Variants in CCDC51 observed in about 807,000 individuals in gnomAD.
The protein encoded by CCDC51 is mitochondrial potassium channel.
CCDC51 carries 25 observed loss-of-function variants against 24.8 expected under a neutral mutation model. The observed-to-expected ratio is 1.01, with a 90% confidence interval of 0.73 to 1.41. The LOEUF (loss-of-function observed/expected upper bound fraction) is 1.41. CCDC51 is among the 40% of genes most tolerant of loss of function. The pLI is 0.00. For synonymous variants in CCDC51, 190 were observed against 204.3 expected, an observed-to-expected ratio of 0.93 and a Z score of 0.60; for missense variants, 466 against 519.1, an observed-to-expected ratio of 0.90 and a Z score of 0.99.
In CCDC51 at chr3:48,437,197, CTGCTT is replaced by C. The variant is rs1417307231; in HGVS notation, c.-8-2066_-8-2062del. 6.6e-6 allele frequency among the ~76,000 whole-genome samples: 1 copy of C among 152,228 alleles called. No homozygotes were observed. The highest frequency in any genetic ancestry group is 2.4e-5 in the African/African-American group (1 of 41,452). On this transcript the variant is annotated intron_variant, in intron 1 of 3. Transcript: ENST00000395694. This position sits in a 1 kb window ranked among gnomAD's most constrained non-coding sequence, Gnocchi z 4.2. ...ACCACTCCCTCCCCAGCTACCTTCTCTGCTTTATTTTTCTCCTGATGGATATATTT... is the reference window on the plus strand; with the variant it reads ...ACCACTCCCTCCCCAGCTACCTTCTCTATTTTTCTCCTGATGGATATATTT...
chr3:48,432,311 G>T lies in CCDC51; in HGVS notation c.*97C>A, dbSNP rs563668789. 30 of 1,438,830 alleles carry T rather than the reference G, an allele frequency of 2.1e-5. No homozygotes were observed. The highest frequency in any genetic ancestry group is 2.4e-4 in the Middle Eastern group (1 of 4,252). 89.1% of individuals were successfully genotyped at this position (1,438,830 alleles called of 1,614,324 possible). A position where few individuals can be genotyped will look rare whatever the true frequency, so the allele number is the denominator to read the frequency against. On this transcript the variant is annotated 3_prime_UTR_variant, in exon 4 of 4. Transcript: ENST00000395694. ...GATACTGCTCCTTCAGATTGAGGTT[G>T]TACATGCCCCCAAAGGCTCGCTTCA... is the stretch of plus-strand genomic sequence containing the variant.
upstream of CCDC51, chr3:48,440,329 C>T (rs778825586): frequency 4.3e-6 from 7 of 1,611,662 alleles, no homozygotes; most frequent in African/African-American, 2.7e-5. Context: ...GTTCCGGAAC[C>T]GTGAGGACTG....
rs2039250027 is a variant in CCDC51, at chr3:48,433,415, CA to C, written c.478-250del. ...TTGACCAGAGGTGCACTTATGTCTACACAAAGGGAAGTGTCCAGCACTCCCT... is the reference window on the plus strand; with the variant it reads ...TTGACCAGAGGTGCACTTATGTCTACCAAAGGGAAGTGTCCAGCACTCCCT... On this transcript the variant is annotated intron_variant, in intron 3 of 3. Transcript: ENST00000395694. The surrounding 1 kb of genome is among the most constrained non-coding windows in gnomAD (Gnocchi z 4.4). 6.6e-6 allele frequency among the ~76,000 whole-genome samples: 1 copy of C among 152,230 alleles called. No homozygotes were observed. The highest frequency in any genetic ancestry group is 6.5e-5 in the Admixed American group (1 of 15,288).
chr3:48,433,892 G>A lies in CCDC51; in HGVS notation c.313-21C>T, dbSNP rs2039270057. Reference sequence around the variant, plus strand: ...TCAGCCTGCAAAGAGAAAACCGGAGGCCATCTGCACCTTCTCTCCACACCC... The same window carrying A: ...TCAGCCTGCAAAGAGAAAACCGGAGACCATCTGCACCTTCTCTCCACACCC... On this transcript the variant is annotated intron_variant, in intron 2 of 3. Coordinates refer to ENST00000395694, the MANE Select transcript of CCDC51 (RefSeq NM_001256964.2). This position sits in a 1 kb window ranked among gnomAD's most constrained non-coding sequence, Gnocchi z 4.4. 4 of 1,608,078 alleles carry A rather than the reference G, an allele frequency of 2.5e-6. No individual in the cohort carries two copies. Among genetic ancestry groups the A allele is most frequent in the Non-Finnish European group, 3.4e-6 (4 of 1,176,766 alleles).
chr3:48,438,973 G>A (rs899045606), intron 1 of CCDC51, among the ~76,000 whole-genome samples: 1 of 152,048 alleles, frequency 6.6e-6, no homozygotes, highest in Non-Finnish European at 1.5e-5. Context: ...TTGCTGGAAC[G>A]CACCAAGTTG....
intron 2 of CCDC51, among the ~76,000 whole-genome samples, 180 bp downstream of exon 2, chr3:48,434,637 G>A (rs1049159928): frequency 1.3e-5 from 2 of 152,174 alleles, no homozygotes; most frequent in Non-Finnish European, 2.9e-5. Context: ...AACTGTTTTC[G>A]GGGAAAGTAG....
rs766834703 is a variant in CCDC51 at position 48,432,982 on chromosome 3, T to G, written c.662A>C (p.Tyr221Ser). 18 of 1,614,048 alleles carry G rather than the reference T, an allele frequency of 1.1e-5. No homozygotes were observed. The Admixed American group carries it at 2.2e-4, about 19-fold the overall frequency. Reference sequence around the variant, plus strand: ...CTCCTGTAGTCGCACACGGTTCACATAGGTGGAGCCAGCCACACCAATCAG... The same window carrying G: ...CTCCTGTAGTCGCACACGGTTCACAGAGGTGGAGCCAGCCACACCAATCAG... Reference protein sequence around the residue: ...GALIGVAGSTYVNRVRLQELK... With the variant: ...GALIGVAGSTSVNRVRLQELK... Residue 221 changes from tyrosine to serine, a missense_variant, in exon 4 of 4, where the codon TAT becomes TCT. Tyr to Ser is a moderately radical substitution (Grantham distance 144, BLOSUM62 -2). Transcript: ENST00000395694.
the CCDC51 span, among the ~76,000 whole-genome samples, chr3:48,445,486 C>T: frequency 6.6e-6 from 1 of 152,184 alleles, no homozygotes; most frequent in Non-Finnish European, 1.5e-5. Flanking sequence ...GGCACCCAGC[C>T]GTATGCTGCT....
chr3:48,440,126 C>A (rs373033610), upstream of CCDC51: 34 of 1,086,524 alleles, frequency 3.1e-5, no homozygotes, highest in East Asian at 3.1e-4. Flanking sequence ...GTCTGCCACT[C>A]AGTTGACCTC....
Position 48,432,350 on chromosome 3 carries a change from C to G in CCDC51, c.*58G>C. 6.3e-7 allele frequency: 1 copy of G among 1,590,310 alleles called. No individual in the cohort carries two copies. Among genetic ancestry groups the G allele is most frequent in the South Asian group, 1.1e-5 (1 of 88,334 alleles). The stretch of plus-strand genomic sequence containing the variant: ...AGGCTCGCTTCATTGCTACGATTCT[C>G]TACTTAAATCCACATTCACAGCTAT... On this transcript the variant is annotated 3_prime_UTR_variant, in exon 4 of 4. Coordinates refer to ENST00000395694, the MANE Select transcript of CCDC51 (RefSeq NM_001256964.2).
chr3:48,434,455 ACATTT>A (rs1202261153), intron 2 of CCDC51, among the ~76,000 whole-genome samples: 1 of 152,210 alleles, frequency 6.6e-6, no homozygotes, highest in African/African-American at 2.4e-5. Flanking sequence ...TCACACTGTG[ACATTT>A]CCTAGTGCCC....
chr3:48,434,113 A>C, intron 2 of CCDC51: 1 of 782,560 alleles, frequency 1.3e-6, no homozygotes, highest in South Asian at 2.4e-5. Context: ...CCCTGAAAAA[A>C]CTTGAAAACA....
At position 48,433,844 on chromosome 3, in the gene CCDC51, C is replaced by G. The variant is rs1232184440; in HGVS notation, c.340G>C (p.Gly114Arg). 13 of 1,613,920 alleles carry G rather than the reference C, an allele frequency of 8.1e-6. No homozygotes were observed. The highest frequency in any genetic ancestry group is 5.0e-5 in the Admixed American group (3 of 59,968). Residue 114 changes from glycine to arginine, a missense_variant, in exon 3 of 4, where the codon GGG becomes CGG. Gly to Arg is a moderately radical substitution (Grantham distance 125). Coordinates refer to ENST00000395694, the MANE Select transcript of CCDC51 (RefSeq NM_001256964.2). This position sits in a 1 kb window ranked among gnomAD's most constrained non-coding sequence, Gnocchi z 4.4. ...EAEKVFMVAR[G>R]LVREAREDLE... ...TCCTCCCGAGCCTCTCGGACAAGCC[C>G]TCGAGCCACCATGAACACTTTCTCA...
In CCDC51 at chr3:48,433,129, T is replaced by C; in HGVS notation, c.515A>G (p.Glu172Gly). 6.2e-7 allele frequency: 1 copy of C among 1,613,700 alleles called. No homozygotes were observed. Among genetic ancestry groups the C allele is most frequent in the Non-Finnish European group, 8.5e-7 (1 of 1,179,946 alleles). ...GGAGAACTTCTCTCGCTCAGAGTCTTCTGCACGCAGATAGGCTGTGCGAAG... is the reference window on the plus strand; with the variant it reads ...GGAGAACTTCTCTCGCTCAGAGTCTCCTGCACGCAGATAGGCTGTGCGAAG... ...KRLRTAYLRA[E>G]DSEREKFSLF... The change falls in exon 4 of 4, where the codon GAA becomes GGA. Residue 172 changes from glutamate (E) to glycine (G), a missense_variant. Coordinates refer to ENST00000395694, the MANE Select transcript of CCDC51 (RefSeq NM_001256964.2). This position sits in a 1 kb window ranked among gnomAD's most constrained non-coding sequence, Gnocchi z 4.4.
intron 1 of CCDC51, among the ~76,000 whole-genome samples, chr3:48,436,483 C>A (rs1181594638): frequency 6.6e-6 from 1 of 152,192 alleles, no homozygotes; most frequent in Non-Finnish European, 1.5e-5. Flanking sequence ...GACAGTGATC[C>A]CAAGCTGGTG....
chr3:48,432,725 G>C lies in CCDC51; in HGVS notation c.919C>G (p.Leu307Val). 1.9e-6 allele frequency: 3 copies of C among 1,614,208 alleles called. No individual in the cohort carries two copies. The South Asian group carries it at 3.3e-5, about 18-fold the overall frequency. Residue 307 changes from leucine to valine, a missense_variant, in exon 4 of 4, where the codon CTT (leucine) becomes GTT (valine). Leu to Val is a conservative substitution (Grantham distance 32). Transcript: ENST00000395694. ...GAATGGACTTGCCTGGAATGACTAAGCTGCTCTTTCAAGGCAGCTGAAAGG... is the reference window on the plus strand; with the variant it reads ...GAATGGACTTGCCTGGAATGACTAACCTGCTCTTTCAAGGCAGCTGAAAGG... ...DVLSAALKEQ[L>V]SHSRQVHSCL...
chr3:48,444,497 T>C (rs558322983), upstream of CCDC51, among the ~76,000 whole-genome samples: 2 of 152,188 alleles, frequency 1.3e-5, no homozygotes, highest in Non-Finnish European at 2.9e-5. Flanking sequence ...GGTCTCAAAC[T>C]CCTGACCTCA....
At position 48,433,349 on chromosome 3, in the gene CCDC51, A is replaced by G. The variant is rs1211402875; in HGVS notation, c.478-183T>C. ...AAGGGCAAAGGAATTGGGAGTGATC[A>G]AAGTGAGTTGCATGATCGTCCCACC... On this transcript the variant is annotated intron_variant, in intron 3 of 3. Coordinates refer to ENST00000395694, the MANE Select transcript of CCDC51 (RefSeq NM_001256964.2). This position sits in a 1 kb window ranked among gnomAD's most constrained non-coding sequence, Gnocchi z 4.4. Among the ~76,000 whole-genome samples, 1 of 152,242 alleles carries G rather than the reference A, an allele frequency of 6.6e-6. No individual in the cohort carries two copies. Among genetic ancestry groups the G allele is most frequent in the Non-Finnish European group, 1.5e-5 (1 of 68,042 alleles).
At chr3:48,444,005 G>A, upstream of CCDC51, 4 of 693,658 alleles carry the variant, frequency 5.8e-6, no homozygotes, top group Non-Finnish European at 8.4e-6. Context: ...TGGAGCTGTT[G>A]TACATTTAAG....
Sources: gnomAD v4.1 joint callset for allele counts (sites outside exome capture counted in the v4.1 genomes callset) on GRCh38, gnomAD v4.1.1 for gene constraint, Gnocchi (gnomAD v3.1) non-coding constraint, MANE v1.5 for transcripts, NCBI Gene and HGNC (gene_info 2026-07-23, HGNC 2026-07-21) for gene names.